The following ZC3H12B variants were observed in gnomAD, a reference collection of about 807,000 sequenced individuals.
ZC3H12B encodes the protein zinc finger CCCH-type containing 12B.
In ZC3H12B, 7 loss-of-function variants were observed where a neutral mutation model predicts 43.9. That is an observed-to-expected ratio of 0.16 (90% CI 0.09 to 0.30). ZC3H12B has a LOEUF of 0.30. ZC3H12B is among the 10% of genes least tolerant of loss of function. The probability of loss-of-function intolerance (pLI) is 1.00; values close to 1 mark genes in which losing one functional copy is unlikely to be tolerated. For missense variants in ZC3H12B, 475 were observed against 670.2 expected (o/e 0.71, Z 3.22); for synonymous variants, 222 against 241.7 (o/e 0.92, Z 0.76).
chrX:65,287,096 C>A, the ZC3H12B span, among the ~76,000 whole-genome samples: 1 of 110,650 alleles, frequency 9.0e-6, no homozygotes, highest in African/African-American at 3.3e-5. Context: ...GTGGGACTCC[C>A]AACACCCCAC....
the ZC3H12B span, among the ~76,000 whole-genome samples, chrX:65,059,943 G>C: frequency 1.8e-5 from 2 of 111,565 alleles, no homozygotes; most frequent in East Asian, 5.6e-4. Flanking sequence ...TCACTTCTTT[G>C]GTTAATTCTA....
intron 2 of ZC3H12B, among the ~76,000 whole-genome samples, chrX:65,372,396 C>T (rs762832327): frequency 6.4e-5 from 7 of 109,762 alleles, no homozygotes; most frequent in African/African-American, 2.0e-4. Flanking sequence ...GATAAGTGCA[C>T]TGACATCATG....
chrX:65,170,863 G>A, the ZC3H12B span, among the ~76,000 whole-genome samples: 9 of 111,642 alleles, frequency 8.1e-5, no homozygotes, highest in South Asian at 3.7e-4. Context: ...CCTAGTTCTC[G>A]TACCATGGTT....
At chrX:65,320,866 C>G in the ZC3H12B span, among the ~76,000 whole-genome samples, 1 of 111,886 alleles carries the variant, frequency 8.9e-6, no homozygotes, top group East Asian at 2.8e-4. Flanking sequence ...TGAAACTGGA[C>G]CCCTTCCTTA....
At chrX:65,343,883 T>C in the ZC3H12B span, among the ~76,000 whole-genome samples, 7 of 111,978 alleles carry the variant, frequency 6.3e-5, no homozygotes, top group African/African-American at 9.7e-5. Context: ...GAAAGTCAAA[T>C]GATCCCTGTT....
the ZC3H12B span, among the ~76,000 whole-genome samples, chrX:65,096,019 C>T: frequency 1.8e-5 from 2 of 111,355 alleles, no homozygotes; most frequent in South Asian, 7.5e-4. Flanking sequence ...AAAAAAAATA[C>T]AGTTTGAAGA....
the ZC3H12B span, among the ~76,000 whole-genome samples, chrX:65,329,504 G>C: frequency 1.1e-5 from 1 of 88,893 alleles, no homozygotes; most frequent in East Asian, 2.8e-4. Flanking sequence ...TAGGTTGCCT[G>C]TTCACTCTGA....
rs138147708 is a variant in ZC3H12B, at chrX:65,492,691, A to C, written c.608+3282A>C. Among the ~76,000 whole-genome samples, 507 of 112,147 alleles carry C rather than the reference A, an allele frequency of 4.5e-3. 1 individual carries two copies. Among genetic ancestry groups the C allele is most frequent in the Non-Finnish European group, 7.0e-3 (373 of 53,286 alleles). On this transcript the variant is annotated intron_variant, in intron 1 of 4. Transcript: ENST00000338957. The stretch of plus-strand genomic sequence containing the variant: ...TGGATTTGTTATTACTGTTAATCTA[A>C]ATTTGGTTTGTTTTCCTCATTAGTT...
chrX:65,184,877 G>A, the ZC3H12B span: 1 of 111,188 alleles, frequency 9.0e-6, no homozygotes, highest in Admixed American at 9.6e-5. Context: ...GTTTTTAATT[G>A]ACACCTAATA....
the ZC3H12B span, among the ~76,000 whole-genome samples, chrX:65,311,514 G>C: frequency 1.8e-5 from 2 of 111,753 alleles, no homozygotes; most frequent in Non-Finnish European, 3.8e-5. Flanking sequence ...GAGAGAATCT[G>C]GAGAAATAAG....
chrX:65,160,671 C>G, the ZC3H12B span, among the ~76,000 whole-genome samples: 3 of 111,173 alleles, frequency 2.7e-5, no homozygotes, highest in Non-Finnish European at 5.7e-5. Context: ...ATTAGTCTTG[C>G]TAATGGTGTA....
chrX:65,081,126 A>G, the ZC3H12B span, among the ~76,000 whole-genome samples: 1 of 110,065 alleles, frequency 9.1e-6, no homozygotes, highest in Non-Finnish European at 1.9e-5. Flanking sequence ...TAAAAAACAT[A>G]TGGATACACA....
At chrX:65,223,063 G>C in the ZC3H12B span, among the ~76,000 whole-genome samples, 1 of 111,727 alleles carries the variant, frequency 9.0e-6, no homozygotes, top group Non-Finnish European at 1.9e-5. Flanking sequence ...ACAGAATAGA[G>C]AACCCAGAAA....
the ZC3H12B span, among the ~76,000 whole-genome samples, chrX:65,359,808 G>A: frequency 8.9e-6 from 1 of 112,145 alleles, no homozygotes; most frequent in African/African-American, 3.2e-5. Flanking sequence ...TGGGGTTTGA[G>A]AACATAGACT....
At chrX:65,086,070 G>T in the ZC3H12B span, among the ~76,000 whole-genome samples, 3 of 101,980 alleles carry the variant, frequency 2.9e-5, no homozygotes, top group African/African-American at 1.1e-4. Flanking sequence ...TTTGGAACAC[G>T]GATCACTTCA....
chrX:65,212,232 A>G, the ZC3H12B span, among the ~76,000 whole-genome samples: 10 of 44,267 alleles, frequency 2.3e-4, no homozygotes, highest in Non-Finnish European at 3.1e-4. Flanking sequence ...ATTATATTAT[A>G]TAGTATAATT....
chrX:65,450,044 C>T (rs1266186077), intron 3 of ZC3H12B, among the ~76,000 whole-genome samples: 3 of 109,296 alleles, frequency 2.7e-5, no homozygotes, highest in South Asian at 7.8e-4. Context: ...TGGTAACTCA[C>T]GCCTGTAATC....
intron 3 of ZC3H12B, among the ~76,000 whole-genome samples, chrX:65,406,710 G>GGCGGCGGCGGTAGGA (rs1201729251): frequency 9.0e-6 from 1 of 111,461 alleles, no homozygotes; most frequent in Non-Finnish European, 1.9e-5. Flanking sequence ...CGCGGGCGGC[G>GGCGGCGGCGGTAGGA]GCGGCGGCGG....
chrX:65,212,767 C>G, the ZC3H12B span, among the ~76,000 whole-genome samples: 1 of 98,238 alleles, frequency 1.0e-5, no homozygotes, highest in African/African-American at 3.7e-5. Flanking sequence ...GTTTTTCTGT[C>G]TCCCTTAGTT....
Sources: gnomAD v4.1 joint callset for allele counts (sites outside exome capture counted in the v4.1 genomes callset) on GRCh38, gnomAD v4.1.1 for gene constraint, MANE v1.5 for transcripts, NCBI Gene and HGNC (gene_info 2026-07-23, HGNC 2026-07-21) for gene names.